Variants in TMC1 observed in about 807,000 individuals in gnomAD.
The protein encoded by TMC1 is transmembrane channel like 1, also known as transmembrane channel-like protein 1.
A neutral mutation model predicts 105.8 loss-of-function variants in TMC1; 84 were observed. The observed-to-expected ratio is 0.79, with a 90% confidence interval of 0.67 to 0.95. The LOEUF (loss-of-function observed/expected upper bound fraction) is 0.95, where lower values mean the gene tolerates loss of function less well. Ranked by LOEUF, TMC1 falls within the 40% of genes least tolerant of loss-of-function variation. The probability of loss-of-function intolerance (pLI) is 0.00; values close to 1 mark genes in which losing one functional copy is unlikely to be tolerated. For synonymous variants in TMC1, 315 were observed against 311.5 expected (o/e 1.01, Z -0.12); for missense variants, 817 against 914.1 (o/e 0.89, Z 1.37).
intron 18 of TMC1, among the ~76,000 whole-genome samples, chr9:72,814,947 T>TGTGTGTGTGTGTG (rs1491134900): frequency 1.6e-5 from 2 of 123,912 alleles, no homozygotes; most frequent in Non-Finnish European, 1.7e-5. Context: ...TGTGTGTGTG[T>TGTGTGTGTGTGTG]TGGGGAGGGA....
At chr9:72,717,206 G>T (rs1306888589) in intron 8 of TMC1, among the ~76,000 whole-genome samples, 1 of 152,134 alleles carries the variant, frequency 6.6e-6, no homozygotes, top group Non-Finnish European at 1.5e-5. Flanking sequence ...TTCTTGTTTT[G>T]CCATCTTGCC....
Position 72,820,928 on chromosome 9 carries a change from T to C in TMC1, c.1850T>C (p.Met617Thr), listed in dbSNP as rs1048894035. The C allele has an allele frequency of 1.9e-6, 3 of 1,614,204 alleles. No individual in the cohort carries two copies. The highest frequency in any genetic ancestry group is 2.2e-5 in the East Asian group (1 of 44,882). The change falls in exon 20 of 24, where the codon ATG becomes ACG. Residue 617 changes from methionine (M) to threonine (T), a missense_variant. Coordinates refer to ENST00000297784, the MANE Select transcript of TMC1 (RefSeq NM_138691.3). ...ATGTACTTCCAGTGCTGGGCCGTTA[T>C]GTGCTGCAATGTTCCTGAGGCCAGG... ...TSMYFQCWAV[M>T]CCNVPEARVF...
chr9:72,809,446 G>A (rs1164491131), intron 18 of TMC1, among the ~76,000 whole-genome samples: 1 of 152,160 alleles, frequency 6.6e-6, no homozygotes, highest in Non-Finnish European at 1.5e-5. Context: ...ATTAATGATG[G>A]ATGACGAATC....
intron 17 of TMC1, among the ~76,000 whole-genome samples, chr9:72,795,708 G>C (rs1828352763): frequency 6.6e-6 from 1 of 152,070 alleles, no homozygotes; most frequent in African/African-American, 2.4e-5. Flanking sequence ...TAAATACACA[G>C]ACCAGTGACA....
At chr9:72,823,599 T>C (rs1828906535) in intron 20 of TMC1, among the ~76,000 whole-genome samples, 1 of 152,122 alleles carries the variant, frequency 6.6e-6, no homozygotes, top group South Asian at 2.1e-4. Flanking sequence ...GAGGGTAAAT[T>C]TTCCAAGAAA....
intron 5 of TMC1, among the ~76,000 whole-genome samples, chr9:72,650,361 A>G (rs1263568131): frequency 1.3e-5 from 2 of 152,130 alleles, no homozygotes; most frequent in Admixed American, 1.3e-4. Context: ...TAGCTCCATT[A>G]TTGAGTGTCT....
intron 1 of TMC1, among the ~76,000 whole-genome samples, chr9:72,530,574 G>C (rs980136991): frequency 2.8e-5 from 4 of 141,368 alleles, no homozygotes; most frequent in African/African-American, 1.1e-4. Flanking sequence ...TGGTGACAGA[G>C]CAAGACTCCA....
intron 15 of TMC1, 95 bp from the exon 16 acceptor site, chr9:72,791,791 A>G: frequency 5.8e-6 from 6 of 1,031,986 alleles, no homozygotes; most frequent in Non-Finnish European, 9.0e-6. Flanking sequence ...AAAAAGATCA[A>G]AGAAGCCTAG....
intron 7 of TMC1, among the ~76,000 whole-genome samples, chr9:72,698,595 T>A (rs1205405020): frequency 6.6e-6 from 1 of 152,110 alleles, no homozygotes; most frequent in African/African-American, 2.4e-5. Flanking sequence ...TGTTAGGAGG[T>A]ATAAATGTTA....
rs779419424 is a variant in TMC1, at chr9:72,836,028, T to C, written c.*55T>C. ...ACTTTGCCTTGCTGTTTAAAAGTAATGCAATATGTGAACGCCCAGAGAACA... is the reference window on the plus strand; with the variant it reads ...ACTTTGCCTTGCTGTTTAAAAGTAACGCAATATGTGAACGCCCAGAGAACA... On this transcript the variant is annotated 3_prime_UTR_variant, in exon 24 of 24. Transcript: ENST00000297784. The C allele has an allele frequency of 6.4e-7, 1 of 1,567,534 alleles. No individual in the cohort carries two copies. The highest frequency in any genetic ancestry group is 1.1e-5 in the South Asian group (1 of 90,348).
At chr9:72,614,622 T>C (rs949596732) in intron 2 of TMC1, among the ~76,000 whole-genome samples, 2 of 152,152 alleles carry the variant, frequency 1.3e-5, no homozygotes, top group Admixed American at 6.5e-5. Context: ...TATACTTGGG[T>C]CCAATCTTCT....
At chr9:72,669,515 T>C in intron 5 of TMC1, among the ~76,000 whole-genome samples, 1 of 152,226 alleles carries the variant, frequency 6.6e-6, no homozygotes, top group East Asian at 1.9e-4. Flanking sequence ...GATATTTTTG[T>C]ATGACATCTA....
chr9:72,776,864 T>A (rs1828014332), intron 13 of TMC1, among the ~76,000 whole-genome samples: 1 of 151,904 alleles, frequency 6.6e-6, no homozygotes, highest in Non-Finnish European at 1.5e-5. Flanking sequence ...ATGATAACAA[T>A]CATCAATATA....
At chr9:72,692,819 G>A (rs1826487449) in intron 6 of TMC1, among the ~76,000 whole-genome samples, 2 of 152,060 alleles carry the variant, frequency 1.3e-5, no homozygotes, top group South Asian at 4.1e-4. Context: ...TCCAAGCCCA[G>A]TTAGAAAAGT....
chr9:72,659,343 A>G (rs1825933652), intron 5 of TMC1, among the ~76,000 whole-genome samples: 1 of 152,194 alleles, frequency 6.6e-6, no homozygotes, highest in African/African-American at 2.4e-5. Flanking sequence ...CAGGTTAAAG[A>G]TGGAGTTTGG....
At chr9:72,536,179 T>C (rs1417421809) in intron 1 of TMC1, among the ~76,000 whole-genome samples, 1 of 152,258 alleles carries the variant, frequency 6.6e-6, no homozygotes, top group East Asian at 1.9e-4. Flanking sequence ...GCAACTTCTT[T>C]ACAGCTGTGA....
At chr9:72,776,876 A>G (rs1432000070) in intron 13 of TMC1, among the ~76,000 whole-genome samples, 1 of 151,792 alleles carries the variant, frequency 6.6e-6, no homozygotes, top group Non-Finnish European at 1.5e-5. Flanking sequence ...ATCAATATAG[A>G]CTGATGTCTC....
chr9:72,578,289 T>C (rs1214891610), intron 2 of TMC1: 9 of 115,858 alleles, frequency 7.8e-5, no homozygotes, highest in African/African-American at 3.4e-4. Flanking sequence ...TGTGTGTGTG[T>C]GTGTGTGTGT....
chr9:72,573,666 C>T (rs941239537), intron 1 of TMC1, among the ~76,000 whole-genome samples: 3 of 152,090 alleles, frequency 2.0e-5, no homozygotes, highest in Admixed American at 6.5e-5. Flanking sequence ...AAATCATTCT[C>T]GGAGAAAAAC....
Sources: gnomAD v4.1 joint callset for allele counts (sites outside exome capture counted in the v4.1 genomes callset) on GRCh38, gnomAD v4.1.1 for gene constraint, MANE v1.5 for transcripts, NCBI Gene and HGNC (gene_info 2026-07-23, HGNC 2026-07-21) for gene names.